PDE1B: variants seen among roughly 807,000 people sequenced by gnomAD.
The protein encoded by PDE1B is dual specificity calcium/calmodulin-dependent 3',5'-cyclic nucleotide phosphodiesterase 1B.
PDE1B carries 13 observed loss-of-function variants against 66.7 expected under a neutral mutation model. The ratio of observed to expected loss-of-function variants is 0.19; its 90% CI spans 0.13 to 0.31. The LOEUF is 0.31. PDE1B is among the 10% of genes least tolerant of loss of function. The pLI, the probability that PDE1B is intolerant of heterozygous loss-of-function variation, is 1.00. For synonymous variants in PDE1B, 230 were observed against 253.9 expected, an observed-to-expected ratio of 0.91 and a Z score of 0.90; for missense variants, 485 against 682.3, an observed-to-expected ratio of 0.71 and a Z score of 3.22.
At chr12:54,551,934 G>T (rs916055871) in intron 2 of PDE1B, among the ~76,000 whole-genome samples, 1 of 152,130 alleles carries the variant, frequency 6.6e-6, no homozygotes, top group Non-Finnish European at 1.5e-5. Context: ...TCAGCAGTCT[G>T]GTCCTTAAGA....
chr12:54,550,717 A>G (rs914475676), intron 2 of PDE1B, among the ~76,000 whole-genome samples: 1 of 152,170 alleles, frequency 6.6e-6, no homozygotes, highest in African/African-American at 2.4e-5. Context: ...TTTTGTTTAT[A>G]TAGGGTCTTC....
At position 54,549,861 on chromosome 12, in the gene PDE1B, C is replaced by T. The variant is rs539688546; in HGVS notation, c.-12C>T. The T allele has an allele frequency of 1.2e-6, 2 of 1,604,024 alleles. No homozygotes were observed. Among genetic ancestry groups the T allele is most frequent in the Non-Finnish European group, 1.7e-6 (2 of 1,171,434 alleles). On this transcript the variant is annotated splice_region_variant and 5_prime_UTR_variant, in exon 2 of 16. Coordinates refer to ENST00000243052, the MANE Select transcript of PDE1B (RefSeq NM_000924.4). ...CTGTCTCCTCCTTCTGTTCCGTAGA[C>T]CGTGGCTGAGCATGGAGCTGTCCCC... is the stretch of plus-strand genomic sequence containing the variant.
At chr12:54,568,287 A>C (rs958325842) in intron 3 of PDE1B, among the ~76,000 whole-genome samples, 8 of 150,984 alleles carry the variant, frequency 5.3e-5, no homozygotes, top group African/African-American at 1.7e-4. Context: ...AACATGATGA[A>C]ACCCTGTCTC....
chr12:54,555,971 C>T (rs1355329224), intron 2 of PDE1B, among the ~76,000 whole-genome samples: 1 of 152,110 alleles, frequency 6.6e-6, no homozygotes. Flanking sequence ...GGTGATGGTA[C>T]AGGATAAGCT....
At chr12:54,577,541 C>A (rs758641626) in intron 15 of PDE1B, 196 bp downstream of exon 15, 2 of 1,551,176 alleles carry the variant, frequency 1.3e-6, no homozygotes, top group Non-Finnish European at 8.7e-7. Context: ...GTCCCCCAGT[C>A]CCTGCAGGAA....
At chr12:54,552,220 G>A (rs1198658082) in intron 2 of PDE1B, among the ~76,000 whole-genome samples, 11 of 152,114 alleles carry the variant, frequency 7.2e-5, no homozygotes, top group Admixed American at 7.2e-4. Context: ...GGTAAGAGGT[G>A]GGAGTTTCCC....
Position 54,569,209 on chromosome 12 carries a change from C to T in PDE1B, c.253C>T (p.Leu85=). Reference sequence around the variant, plus strand: ...GCAAATCTTGGACACGGAGGACGAGCTGCAGGAGCTGCGGTCAGATGCCGT... The same window carrying T: ...GCAAATCTTGGACACGGAGGACGAGTTGCAGGAGCTGCGGTCAGATGCCGT... ...TRQILDTEDE[L]QELRSDAVPS... is the part of the protein sequence containing the mutation. Residue 85 remains leucine, a synonymous_variant, in exon 4 of 16, where the codon CTG becomes TTG. Transcript: ENST00000243052. This position sits in a 1 kb window ranked among gnomAD's most constrained non-coding sequence, Gnocchi z 4.4. 6.2e-7 allele frequency: 1 copy of T among 1,610,364 alleles called. No homozygotes were observed. The highest frequency in any genetic ancestry group is 8.5e-7 in the Non-Finnish European group (1 of 1,177,540).
intron 2 of PDE1B, among the ~76,000 whole-genome samples, chr12:54,559,053 T>C (rs753259329): frequency 1.8e-4 from 28 of 152,226 alleles, no homozygotes; most frequent in Non-Finnish European, 4.0e-4. Context: ...GTGATTTCTT[T>C]TTAAATTTAG....
At chr12:54,549,832 G>T in intron 1 of PDE1B, 28 bp from the exon 2 acceptor site, 1 of 1,490,998 alleles carries the variant, frequency 6.7e-7, no homozygotes, top group Non-Finnish European at 9.3e-7. Context: ...GCTGAGCCGA[G>T]GTGCTGTCTC....
intron 2 of PDE1B, among the ~76,000 whole-genome samples, chr12:54,566,423 C>T (rs1403800193): frequency 6.6e-6 from 1 of 152,184 alleles, no homozygotes; most frequent in Non-Finnish European, 1.5e-5. Context: ...TCAGATTTGT[C>T]TTTGTTCTGT....
chr12:54,555,193 A>G (rs1957328568), intron 2 of PDE1B, among the ~76,000 whole-genome samples: 1 of 152,212 alleles, frequency 6.6e-6, no homozygotes, highest in Non-Finnish European at 1.5e-5. Context: ...GAGCAATTGC[A>G]GTTCTGAGAC....
chr12:54,573,555 C>T lies in PDE1B; in HGVS notation c.963-53C>T. ...ACTCCATTTTCCACTTCCTGGACCT[C>T]CTGCCCAGCAGCGCTGAGGGGACTG... On this transcript the variant is annotated intron_variant, in intron 9 of 15. Coordinates refer to ENST00000243052, the MANE Select transcript of PDE1B (RefSeq NM_000924.4). This position sits in a 1 kb window ranked among gnomAD's most constrained non-coding sequence, Gnocchi z 5.2. 6.2e-7 allele frequency: 1 copy of T among 1,611,062 alleles called. No individual in the cohort carries two copies. Among genetic ancestry groups the T allele is most frequent in the Non-Finnish European group, 8.5e-7 (1 of 1,177,202 alleles).
Position 54,549,684 on chromosome 12 carries a change from G to A in PDE1B, c.-102G>A. The A allele has an allele frequency of 2.0e-6, 1 of 492,494 alleles. No homozygotes were observed. Among genetic ancestry groups the A allele is most frequent in the Non-Finnish European group, 3.6e-6 (1 of 278,018 alleles). The allele number at this position is 492,494 out of a possible 1,614,324, so 30.5% of individuals were successfully genotyped here. ...TGGGAGCCCAAAGCTCGGCTGGGCA[G>A]CGGGAGAGGAGGAGCCGCAGGAGCT... On this transcript the variant is annotated 5_prime_UTR_variant, in exon 1 of 16. Transcript: ENST00000243052.
Position 54,569,029 on chromosome 12 carries a change from A to G in PDE1B, c.228-155A>G. 1.6e-6 allele frequency: 2 copies of G among 1,264,290 alleles called. No homozygotes were observed. Among genetic ancestry groups the G allele is most frequent in the Non-Finnish European group, 2.1e-6 (2 of 948,512 alleles). 78.3% of individuals were successfully genotyped at this position (1,264,290 alleles called of 1,614,324 possible). A position where few individuals can be genotyped will look rare whatever the true frequency, so the allele number is the denominator to read the frequency against. Reference sequence around the variant, plus strand: ...TTTCATTATTGGAGATGTTAGATAAAGAAATAAAAAGATATAGAGAAAGAA... The same window carrying G: ...TTTCATTATTGGAGATGTTAGATAAGGAAATAAAAAGATATAGAGAAAGAA... On this transcript the variant is annotated intron_variant, in intron 3 of 15. Transcript: ENST00000243052. The surrounding 1 kb of genome is among the most constrained non-coding windows in gnomAD (Gnocchi z 4.4).
intron 14 of PDE1B, 114 bp downstream of exon 14, chr12:54,576,815 TGG>T: frequency 8.8e-7 from 1 of 1,139,568 alleles, no homozygotes; most frequent in Non-Finnish European, 1.3e-6. Flanking sequence ...CTCCTTGATT[TGG>T]GAGTGGAGCT....
In PDE1B at chr12:54,577,239, A is replaced by T; in HGVS notation, c.1522A>T (p.Met508Leu). ...CTCCTCTACAGGCATCACCAACCAG[A>T]TGTCCATTGACGAGCTGTCCCCCTG... ...ERAASGITNQ[M>L]SIDELSPCEE... Residue 508 changes from methionine (M) to leucine (L), a missense_variant, in exon 15 of 16, where the codon ATG becomes TTG. Coordinates refer to ENST00000243052, the MANE Select transcript of PDE1B (RefSeq NM_000924.4). The T allele has an allele frequency of 6.2e-7, 1 of 1,613,880 alleles. No homozygotes were observed. The highest frequency in any genetic ancestry group is 8.5e-7 in the Non-Finnish European group (1 of 1,179,846).
Position 54,572,662 on chromosome 12 carries a change from A to G in PDE1B, c.656A>G (p.Lys219Arg). Reference protein sequence around the residue: ...DALETGYGKYKNPYHNQIHAA... With the variant: ...DALETGYGKYRNPYHNQIHAA... Reference sequence around the variant, plus strand: ...TTGGAGACAGGCTATGGGAAGTACAAGAATCCTTACCACAACCAGATCCAC... The same window carrying G: ...TTGGAGACAGGCTATGGGAAGTACAGGAATCCTTACCACAACCAGATCCAC... The change falls in exon 7 of 16, where the codon AAG becomes AGG. Residue 219 changes from lysine to arginine, a missense_variant. Lys to Arg is a conservative substitution (Grantham distance 26). Around this residue, in one of 4 missense-constraint regions of PDE1B, gnomAD observed 282 missense variants for 453.4 expected, o/e 0.62. Coordinates refer to ENST00000243052, the MANE Select transcript of PDE1B (RefSeq NM_000924.4). 4.3e-6 allele frequency: 7 copies of G among 1,613,866 alleles called. No individual in the cohort carries two copies. Among genetic ancestry groups the G allele is most frequent in the Non-Finnish European group, 5.1e-6 (6 of 1,179,714 alleles).
intron 10 of PDE1B, chr12:54,574,868 G>A (rs762199664): frequency 2.0e-5 from 7 of 350,624 alleles, no homozygotes; most frequent in Admixed American, 8.7e-5. Context: ...CCAGCTATTC[G>A]GGAGGCTGAG....
In PDE1B at chr12:54,565,775, C is replaced by T. The variant is rs527666624; in HGVS notation, c.114-1199C>T. On this transcript the variant is annotated intron_variant, in intron 2 of 15. Transcript: ENST00000243052. ...CTGGGGCTGGCTATTTTGGGCACCC[C>T]ATTCCAAAGCTGCCGAGACCCCGGG... Among the ~76,000 whole-genome samples the T allele has an allele frequency of 2.6e-5, 4 of 152,316 alleles. No homozygotes were observed. The East Asian group carries it at 7.7e-4, about 29-fold the overall frequency.
Sources: allele counts gnomAD v4.1 joint callset (sites outside exome capture counted in the v4.1 genomes callset), GRCh38; gene constraint gnomAD v4.1.1; regional missense constraint gnomAD v4.1.1; non-coding constraint Gnocchi (gnomAD v3.1); transcripts MANE v1.5; gene names NCBI Gene and HGNC (gene_info 2026-07-23, HGNC 2026-07-21).